The following PWWP2B variants were observed in gnomAD, a reference collection of about 807,000 sequenced individuals.
PWWP2B encodes PWWP domain-containing protein 2B.
Under a neutral mutation model 15.5 loss-of-function variants are expected in PWWP2B, and 9 were observed. The observed-to-expected ratio is 0.58, with a 90% CI of 0.35 to 1.02. The LOEUF is 1.02. PWWP2B is among the 50% of genes least tolerant of loss of function. The pLI is 0.02. For synonymous variants in PWWP2B, 474 were observed against 403.6 expected, an observed-to-expected ratio of 1.17 and a Z score of -2.09; for missense variants, 864 against 865.3, an observed-to-expected ratio of 1.00 and a Z score of 0.02.
At chr10:132,401,274 C>T (rs569263230) in intron 1 of PWWP2B, among the ~76,000 whole-genome samples, 1 of 152,352 alleles carries the variant, frequency 6.6e-6, no homozygotes, top group East Asian at 1.9e-4. Flanking sequence ...GCGTCTCACC[C>T]CTGCCTCAGT....
At chr10:132,400,655 G>A (rs114073245) in intron 1 of PWWP2B, among the ~76,000 whole-genome samples, 2 of 152,366 alleles carry the variant, frequency 1.3e-5, no homozygotes, top group African/African-American at 4.8e-5. Context: ...CCCGCATGCT[G>A]TCCTGCTGTG....
At chr10:132,416,501 G>T (rs535852084) in intron 2 of PWWP2B, among the ~76,000 whole-genome samples, 7 of 152,082 alleles carry the variant, frequency 4.6e-5, no homozygotes, top group Admixed American at 2.0e-4. Context: ...GGGCTCAGGT[G>T]GGGGGCGATG....
At chr10:132,415,316 C>CCA (rs371758249) in intron 2 of PWWP2B, among the ~76,000 whole-genome samples, 2 of 140,142 alleles carry the variant, frequency 1.4e-5, no homozygotes, top group African/African-American at 5.3e-5. Context: ...TCACACACAT[C>CCA]CACACACACC....
chr10:132,414,631 C>T (rs1190902156), intron 2 of PWWP2B, among the ~76,000 whole-genome samples: 5 of 152,212 alleles, frequency 3.3e-5, no homozygotes, highest in East Asian at 1.9e-4. Flanking sequence ...CGCTGTCAGC[C>T]GTGGAGTGGG....
At chr10:132,403,987 TC>T (rs1196953538) in intron 1 of PWWP2B, among the ~76,000 whole-genome samples, 1 of 93,744 alleles carries the variant, frequency 1.1e-5, no homozygotes, top group Non-Finnish European at 2.9e-5. Context: ...GGAACCCTGC[TC>T]CCGTAGGACG....
chr10:132,404,076 G>A (rs552315705), intron 1 of PWWP2B, among the ~76,000 whole-genome samples: 73 of 136,418 alleles, frequency 5.4e-4, no homozygotes, highest in South Asian at 1.9e-3. Flanking sequence ...CCTGCAGGAC[G>A]GCATTCTTCT....
At position 132,405,822 on chromosome 10, in the gene PWWP2B, C is replaced by T. The variant is rs973409320; in HGVS notation, c.1322C>T (p.Ala441Val). 3.7e-6 allele frequency: 6 copies of T among 1,609,244 alleles called. No homozygotes were observed. The highest frequency in any genetic ancestry group is 4.2e-6 in the Non-Finnish European group (5 of 1,179,612). ...ARSSGSEGTP[A>V]DTGDLSPGHG... ...TCGTCCGGCTCGGAAGGGACGCCGG[C>T]AGACACGGGTGACCTCTCGCCTGGC... is the stretch of plus-strand genomic sequence containing the variant. Residue 441 changes from alanine to valine, a missense_variant, in exon 2 of 3, where the codon GCA (alanine) becomes GTA (valine). Transcript: ENST00000305233.
intron 1 of PWWP2B, among the ~76,000 whole-genome samples, chr10:132,398,240 A>T (rs2069564155): frequency 3.3e-5 from 5 of 152,212 alleles, no homozygotes; most frequent in African/African-American, 7.2e-5. Context: ...AGCAGAGAGG[A>T]CCGTGTTCCT....
intron 2 of PWWP2B, among the ~76,000 whole-genome samples, chr10:132,406,811 C>G (rs919145267): frequency 6.6e-6 from 1 of 152,166 alleles, no homozygotes; most frequent in Non-Finnish European, 1.5e-5. Context: ...AGATGAAGCC[C>G]CCACCCCAAC....
chr10:132,398,741 A>C (rs536786071), intron 1 of PWWP2B, among the ~76,000 whole-genome samples: 1 of 152,196 alleles, frequency 6.6e-6, no homozygotes, highest in African/African-American at 2.4e-5. Flanking sequence ...CCGGCGTGGG[A>C]ACTGGCAGCT....
Position 132,405,501 on chromosome 10 carries a change from G to C in PWWP2B, c.1001G>C (p.Arg334Pro), listed in dbSNP as rs200330904. The C allele has an allele frequency of 1.2e-6, 2 of 1,603,670 alleles. No homozygotes were observed. The highest frequency in any genetic ancestry group is 2.2e-5 in the South Asian group (2 of 91,026). ...AGADLPPPKI[R>P]LKPHRLGDSE... ...GCGGACCTGCCGCCCCCTAAGATCC[G>C]CCTGAAGCCCCACCGTCTGGGGGAC... The change falls in exon 2 of 3, where the codon CGC becomes CCC. Residue 334 changes from arginine to proline, a missense_variant. By Grantham distance (103) the Arg-to-Pro change is moderately radical. Transcript: ENST00000305233.
chr10:132,406,377 C>A, intron 2 of PWWP2B, 88 bp downstream of exon 2: 1 of 1,174,354 alleles, frequency 8.5e-7, no homozygotes. Context: ...GGCCCTGAGG[C>A]CCAGGGAGCC....
At position 132,404,887 on chromosome 10, in the gene PWWP2B, G is replaced by C; in HGVS notation, c.387G>C (p.Pro129=). The C allele has an allele frequency of 6.7e-7, 1 of 1,495,102 alleles. No homozygotes were observed. Among genetic ancestry groups the C allele is most frequent in the Non-Finnish European group, 9.0e-7 (1 of 1,114,804 alleles). 92.6% of individuals were successfully genotyped at this position (1,495,102 alleles called of 1,614,324 possible). The change falls in exon 2 of 3, where the codon CCG becomes CCC. Residue 129 remains proline (P), a synonymous_variant. Transcript: ENST00000305233. ...TCGAAGGCGCCCCCTTCCCTCACCC[G>C]CTGTGGCTCCGGGACACGTACAAGC... ...PYFEGAPFPH[P]LWLRDTYKLW... is the part of the protein sequence containing the mutation.
In PWWP2B at chr10:132,405,829, G is replaced by C; in HGVS notation, c.1329G>C (p.Thr443=). The change falls in exon 2 of 3, where the codon ACG becomes ACC. Residue 443 remains threonine (T), a synonymous_variant. Transcript: ENST00000305233. ...SSGSEGTPAD[T]GDLSPGHGAS... ...GCTCGGAAGGGACGCCGGCAGACAC[G>C]GGTGACCTCTCGCCTGGCCACGGCG... is the stretch of plus-strand genomic sequence containing the variant. The C allele has an allele frequency of 6.2e-7, 1 of 1,609,786 alleles. No individual in the cohort carries two copies. Among genetic ancestry groups the C allele is most frequent in the Non-Finnish European group, 8.5e-7 (1 of 1,179,600 alleles).
rs781085155 is a variant in PWWP2B at position 132,405,953 on chromosome 10, G to C, written c.1453G>C (p.Gly485Arg). ...QSVSECITEDGRTVAVGDIVW... is the reference protein window; with the variant it reads ...QSVSECITEDRRTVAVGDIVW... Reference sequence around the variant, plus strand: ...CGTGTCGGAGTGCATCACGGAGGACGGCAGGACTGTGGCCGTGGGGGACAT... The same window carrying C: ...CGTGTCGGAGTGCATCACGGAGGACCGCAGGACTGTGGCCGTGGGGGACAT... The change falls in exon 2 of 3, where the codon GGC (glycine) becomes CGC (arginine). Residue 485 changes from glycine to arginine, a missense_variant. By Grantham distance (125) the Gly-to-Arg change is moderately radical. This residue lies in a region of PWWP2B where 128 missense variants were observed against 177.6 expected (regional missense o/e 0.72). Coordinates refer to ENST00000305233, the MANE Select transcript of PWWP2B (RefSeq NM_138499.4). 1 of 1,613,454 alleles carries C rather than the reference G, an allele frequency of 6.2e-7. No homozygotes were observed. Among genetic ancestry groups the C allele is most frequent in the Admixed American group, 1.7e-5 (1 of 60,036 alleles).
chr10:132,410,746 A>G (rs1420082856), intron 2 of PWWP2B, among the ~76,000 whole-genome samples: 3 of 152,152 alleles, frequency 2.0e-5, no homozygotes, highest in Non-Finnish European at 2.9e-5. Context: ...TGTCGTGGCC[A>G]GGGCAGGCCG....
intron 2 of PWWP2B, among the ~76,000 whole-genome samples, chr10:132,414,113 C>G (rs2069815194): frequency 6.6e-6 from 1 of 152,248 alleles, no homozygotes; most frequent in Admixed American, 6.5e-5. Context: ...GCGGCCAGTG[C>G]TGCTCCAGCC....
chr10:132,405,566 G>C lies in PWWP2B; in HGVS notation c.1066G>C (p.Glu356Gln). The change falls in exon 2 of 3, where the codon GAG (glutamate) becomes CAG (glutamine). Residue 356 changes from glutamate to glutamine, a missense_variant. This residue lies in a region of PWWP2B where 736 missense variants were observed against 687.7 expected (regional missense o/e 1.07). Transcript: ENST00000305233. ...CGTGTACCGGGCCGAGCTGGTGGGG[G>C]AGCTGAACGGGTACCTGCGGGACAG... Reference protein sequence around the residue: ...EPVYRAELVGELNGYLRDSSP... With the variant: ...EPVYRAELVGQLNGYLRDSSP... 6.2e-7 allele frequency: 1 copy of C among 1,607,392 alleles called. No individual in the cohort carries two copies. The highest frequency in any genetic ancestry group is 8.5e-7 in the Non-Finnish European group (1 of 1,179,188).
intron 2 of PWWP2B, among the ~76,000 whole-genome samples, chr10:132,415,682 T>G (rs1215215228): frequency 2.1e-5 from 2 of 96,814 alleles, no homozygotes; most frequent in African/African-American, 4.3e-5. Flanking sequence ...CACACACATA[T>G]CCACACACAC....
Sources: allele counts gnomAD v4.1 joint callset (sites outside exome capture counted in the v4.1 genomes callset), GRCh38; gene constraint gnomAD v4.1.1; regional missense constraint gnomAD v4.1.1; transcripts MANE v1.5; gene names NCBI Gene and HGNC (gene_info 2026-07-23, HGNC 2026-07-21).